RAB20: variants seen among roughly 807,000 people sequenced by gnomAD.
The protein encoded by RAB20 is ras-related protein Rab-20.
Under a neutral mutation model 3.7 loss-of-function variants are expected in RAB20, and 2 were observed. The observed-to-expected ratio is 0.54, with a 90% CI of 0.22 to 1.69. The LOEUF (loss-of-function observed/expected upper bound fraction) is 1.69, where lower values mean the gene tolerates loss of function less well. RAB20 is among the 40% of genes most tolerant of loss of function. The pLI, the probability that RAB20 is intolerant of heterozygous loss-of-function variation, is 0.19. For synonymous variants in RAB20, 126 were observed against 130.8 expected (o/e 0.96, Z 0.25); for missense variants, 276 against 311.9 (o/e 0.88, Z 0.87).
rs1884366388 is a variant in RAB20 at position 110,523,408 on chromosome 13, C to T, written c.*257G>A. ...TGCCAGGCAGCGGGGCAGAGAGCAC[C>T]AGGGGTCTCGACTCTGCAGATTGGG... is the stretch of plus-strand genomic sequence containing the variant. On this transcript the variant is annotated 3_prime_UTR_variant, in exon 2 of 2. Transcript: ENST00000267328. 2.2e-5 allele frequency: 15 copies of T among 689,086 alleles called. No individual in the cohort carries two copies. Among genetic ancestry groups the T allele is most frequent in the Non-Finnish European group, 3.5e-5 (15 of 429,898 alleles). 42.7% of individuals were successfully genotyped at this position (689,086 alleles called of 1,614,324 possible). A position where few individuals can be genotyped will look rare whatever the true frequency, so the allele number is the denominator to read the frequency against.
At chr13:110,530,200 G>A (rs1219525514) in intron 1 of RAB20, among the ~76,000 whole-genome samples, 13 of 99,908 alleles carry the variant, frequency 1.3e-4, no homozygotes, top group Admixed American at 4.6e-4. Flanking sequence ...ACAGGGCCCC[G>A]GGGAGGCAGG....
chr13:110,545,238 G>C (rs1884832207), intron 1 of RAB20, among the ~76,000 whole-genome samples: 1 of 152,116 alleles, frequency 6.6e-6, no homozygotes, highest in Non-Finnish European at 1.5e-5. Context: ...TTGAGGGATG[G>C]ATACCCCATT....
intron 1 of RAB20, among the ~76,000 whole-genome samples, chr13:110,529,496 G>T (rs1411275459): frequency 6.6e-6 from 1 of 152,202 alleles, no homozygotes; most frequent in Non-Finnish European, 1.5e-5. Flanking sequence ...TGGTTTACCT[G>T]GACTTTCCTG....
chr13:110,540,427 C>T (rs1160662364), intron 1 of RAB20, among the ~76,000 whole-genome samples: 2 of 152,220 alleles, frequency 1.3e-5, no homozygotes, highest in Admixed American at 6.5e-5. Flanking sequence ...TTATAAATAT[C>T]ATATTAAGAA....
chr13:110,558,694 GTTTTTTT>G (rs67548367), intron 1 of RAB20, among the ~76,000 whole-genome samples: 2 of 50,890 alleles, frequency 3.9e-5, no homozygotes, highest in Non-Finnish European at 7.5e-5. Flanking sequence ...CTTCCCATCT[GTTTTTTT>G]TTTTTTTTTT....
At chr13:110,528,796 T>C (rs757029944) in intron 1 of RAB20, among the ~76,000 whole-genome samples, 2 of 152,088 alleles carry the variant, frequency 1.3e-5, no homozygotes, top group Non-Finnish European at 1.5e-5. Flanking sequence ...ATCTTAGTAA[T>C]GAAAGGAAAC....
chr13:110,535,281 A>G (rs951273366), intron 1 of RAB20, among the ~76,000 whole-genome samples: 1 of 152,238 alleles, frequency 6.6e-6, no homozygotes, highest in African/African-American at 2.4e-5. Flanking sequence ...ACCATGCTGG[A>G]TGGCACAGAG....
chr13:110,552,498 C>T (rs1222604388), intron 1 of RAB20, among the ~76,000 whole-genome samples: 1 of 151,812 alleles, frequency 6.6e-6, no homozygotes, highest in African/African-American at 2.4e-5. Context: ...TCGAGACCAT[C>T]CTGGCTAATA....
intron 1 of RAB20, among the ~76,000 whole-genome samples, chr13:110,532,821 G>A (rs927538049): frequency 6.6e-6 from 1 of 152,132 alleles, no homozygotes; most frequent in Non-Finnish European, 1.5e-5. Context: ...TGGGACCACA[G>A]GTGCATACCA....
intron 1 of RAB20, among the ~76,000 whole-genome samples, chr13:110,544,429 C>G (rs187101136): frequency 6.6e-6 from 1 of 151,934 alleles, no homozygotes; most frequent in Non-Finnish European, 1.5e-5. Context: ...TTTTCTATTT[C>G]TGTAAAAAAT....
intron 1 of RAB20, among the ~76,000 whole-genome samples, chr13:110,531,698 C>T (rs1360534063): frequency 6.6e-6 from 1 of 152,168 alleles, no homozygotes; most frequent in Non-Finnish European, 1.5e-5. Context: ...TGCCACCGTC[C>T]CAGGGCTGCC....
At chr13:110,551,195 GAA>G (rs1884945183) in intron 1 of RAB20, among the ~76,000 whole-genome samples, 1 of 152,200 alleles carries the variant, frequency 6.6e-6, no homozygotes, top group African/African-American at 2.4e-5. Context: ...TCCAAGGAAA[GAA>G]AAAGAGATCA....
At chr13:110,537,426 GAAGA>G (rs957450555) in intron 1 of RAB20, among the ~76,000 whole-genome samples, 2 of 151,994 alleles carry the variant, frequency 1.3e-5, no homozygotes, top group African/African-American at 2.4e-5. Flanking sequence ...AGATATGTGA[GAAGA>G]AAGAGGCAGT....
chr13:110,552,911 G>C (rs145442731), intron 1 of RAB20, among the ~76,000 whole-genome samples: 4 of 152,196 alleles, frequency 2.6e-5, no homozygotes, highest in African/African-American at 9.6e-5. Flanking sequence ...ATTCCCAGGC[G>C]CCACTCCAGG....
At chr13:110,551,982 T>C (rs1036223102) in intron 1 of RAB20, among the ~76,000 whole-genome samples, 57 of 145,938 alleles carry the variant, frequency 3.9e-4, no homozygotes, top group Admixed American at 1.4e-3. Context: ...AGCTGAGAGG[T>C]GGGAGGACTG....
At chr13:110,549,948 T>C (rs977956319) in intron 1 of RAB20, among the ~76,000 whole-genome samples, 3 of 152,190 alleles carry the variant, frequency 2.0e-5, no homozygotes, top group Non-Finnish European at 4.4e-5. Flanking sequence ...GGTCTTGAAC[T>C]TCTGCCCTCA....
rs754114043 is a variant in RAB20, at chr13:110,524,091, G to A, written c.279C>T (p.Asp93=). The change falls in exon 2 of 2, where the codon GAC becomes GAT. Residue 93 remains aspartate, a synonymous_variant. Coordinates refer to ENST00000267328, the MANE Select transcript of RAB20 (RefSeq NM_017817.3). ...CTGTGTCTGTCAGGCCCAGGAACCG[G>A]TCCTCCAGCTCCACCAGGCTCTGCC... The part of the protein sequence containing the change: ...NHRQSLVELE[D]RFLGLTDTAS... 1.2e-6 allele frequency: 2 copies of A among 1,613,554 alleles called. No individual in the cohort carries two copies. The highest frequency in any genetic ancestry group is 1.7e-6 in the Non-Finnish European group (2 of 1,180,014).
intron 1 of RAB20, among the ~76,000 whole-genome samples, chr13:110,536,721 T>TTTTGG (rs1164445964): frequency 2.7e-4 from 2 of 7,456 alleles, no homozygotes; most frequent in Non-Finnish European, 4.5e-4. Flanking sequence ...GGCTTTTTTT[T>TTTTGG]GGGGCGGTGG....
At chr13:110,553,931 T>C (rs1280685619) in intron 1 of RAB20, among the ~76,000 whole-genome samples, 2 of 152,240 alleles carry the variant, frequency 1.3e-5, no homozygotes, top group East Asian at 1.9e-4. Context: ...GCTTGGGCAA[T>C]GTAGCAAGAC....
Sources: allele counts gnomAD v4.1 joint callset (sites outside exome capture counted in the v4.1 genomes callset), GRCh38; gene constraint gnomAD v4.1.1; transcripts MANE v1.5; gene names NCBI Gene and HGNC (gene_info 2026-07-23, HGNC 2026-07-21).